SH3PXD2B: variants seen among roughly 807,000 people sequenced by gnomAD.
SH3PXD2B encodes SH3 and PX domain-containing protein 2B.
SH3PXD2B carries 37 observed loss-of-function variants against 73.1 expected under a neutral mutation model. That is an observed-to-expected ratio of 0.51 (90% CI 0.39 to 0.67). The LOEUF (loss-of-function observed/expected upper bound fraction) is 0.67. SH3PXD2B is among the 30% of genes least tolerant of loss of function. SH3PXD2B has a pLI of 0.00. For synonymous variants in SH3PXD2B, 457 were observed against 480.5 expected, an observed-to-expected ratio of 0.95 and a Z score of 0.64; for missense variants, 1,053 against 1,197.8, an observed-to-expected ratio of 0.88 and a Z score of 1.78.
At chr5:172,329,075 A>ATTTTTTTT (rs1561884420), downstream of SH3PXD2B, among the ~76,000 whole-genome samples, 19 of 71,104 alleles carry the variant, frequency 2.7e-4, no homozygotes, top group African/African-American at 1.0e-3. Flanking sequence ...ATATATATAT[A>ATTTTTTTT]TATATATATT....
chr5:172,360,990 A>G (rs1757391583), intron 7 of SH3PXD2B, among the ~76,000 whole-genome samples: 1 of 152,214 alleles, frequency 6.6e-6, no homozygotes, highest in Non-Finnish European at 1.5e-5. Context: ...GGCACTGAAT[A>G]CTACGCAGAT....
chr5:172,439,684 A>ACGCG (rs1183752755), intron 1 of SH3PXD2B, among the ~76,000 whole-genome samples: 8 of 103,252 alleles, frequency 7.7e-5, no homozygotes, highest in African/African-American at 3.5e-4. Context: ...GCGTGCGCGC[A>ACGCG]CGCGCGCGCA....
In SH3PXD2B at chr5:172,353,554, G is replaced by C. The variant is rs532812953; in HGVS notation, c.785+334C>G. Among the ~76,000 whole-genome samples the C allele has an allele frequency of 3.3e-5, 5 of 152,298 alleles. No homozygotes were observed. The highest frequency in any genetic ancestry group is 7.3e-5 in the Non-Finnish European group (5 of 68,030). On this transcript the variant is annotated intron_variant, in intron 9 of 12. Coordinates refer to ENST00000311601, the MANE Select transcript of SH3PXD2B (RefSeq NM_001017995.3). This position sits in a 1 kb window ranked among gnomAD's most constrained non-coding sequence, Gnocchi z 4.3. ...CTTGTTCTCAGAATGGGGCGGGAGG[G>C]GGCTGTCACTCACATGGGGCAGCTT...
intron 6 of SH3PXD2B, among the ~76,000 whole-genome samples, chr5:172,370,682 G>C (rs1757682677): frequency 6.6e-6 from 1 of 152,198 alleles, no homozygotes; most frequent in Non-Finnish European, 1.5e-5. Context: ...TTCAGAGAAT[G>C]CATGGAGTTG....
chr5:172,335,005 T>C lies in SH3PXD2B; in HGVS notation c.*3364A>G. The stretch of plus-strand genomic sequence containing the variant: ...CGATCCCCCAGTAGGGAAGGGCCAT[T>C]AAAAGCGGTTTAAGCTGGAGCTCAG... On this transcript the variant is annotated 3_prime_UTR_variant, in exon 13 of 13. Coordinates refer to ENST00000311601, the MANE Select transcript of SH3PXD2B (RefSeq NM_001017995.3). 1 of 985,410 alleles carries C rather than the reference T, an allele frequency of 1.0e-6. No homozygotes were observed. The highest frequency in any genetic ancestry group is 1.2e-6 in the Non-Finnish European group (1 of 829,944). 61.0% of individuals were successfully genotyped at this position (985,410 alleles called of 1,614,324 possible). A position where few individuals can be genotyped will look rare whatever the true frequency, so the allele number is the denominator to read the frequency against.
intron 1 of SH3PXD2B, among the ~76,000 whole-genome samples, chr5:172,439,882 C>T (rs111264840): frequency 8.5e-5 from 13 of 152,170 alleles, no homozygotes; most frequent in Admixed American, 3.3e-4. Context: ...CTGCTCCAGG[C>T]GTGCAGCTCC....
chr5:172,339,282 T>C lies in SH3PXD2B; in HGVS notation c.1823A>G (p.Lys608Arg). Residue 608 changes from lysine (K) to arginine (R), a missense_variant, in exon 13 of 13, where the codon AAG becomes AGG. Around this residue, in one of 2 missense-constraint regions of SH3PXD2B, gnomAD observed 587 missense variants for 590.7 expected, o/e 0.99. Coordinates refer to ENST00000311601, the MANE Select transcript of SH3PXD2B (RefSeq NM_001017995.3). This position sits in a 1 kb window ranked among gnomAD's most constrained non-coding sequence, Gnocchi z 6.1. Reference protein sequence around the residue: ...CGHKVLAKEVKKPNLRPISKS... With the variant: ...CGHKVLAKEVRKPNLRPISKS... Reference sequence around the variant, plus strand: ...GGAGATGGGCCGGAGGTTGGGCTTCTTCACTTCCTTGGCCAAGACCTTGTG... The same window carrying C: ...GGAGATGGGCCGGAGGTTGGGCTTCCTCACTTCCTTGGCCAAGACCTTGTG... The C allele has an allele frequency of 6.2e-7, 1 of 1,614,240 alleles. No homozygotes were observed.
At chr5:172,367,109 G>A (rs1239464209) in intron 6 of SH3PXD2B, among the ~76,000 whole-genome samples, 1 of 149,538 alleles carries the variant, frequency 6.7e-6, no homozygotes, top group Non-Finnish European at 1.5e-5. Context: ...GCTAATTTTC[G>A]TATTTTTAGT....
Position 172,394,592 on chromosome 5 carries a change from G to A in SH3PXD2B, c.280C>T (p.Arg94Cys), listed in dbSNP as rs773170741. Reference sequence around the variant, plus strand: ...CAGTATTCATCAATTGGTATCAGGCGTTTGACAGCCACGTCCCGGATGTGG... The same window carrying A: ...CAGTATTCATCAATTGGTATCAGGCATTTGACAGCCACGTCCCGGATGTGG... Reference protein sequence around the residue: ...RSHIRDVAVKRLIPIDEYCKA... With the variant: ...RSHIRDVAVKCLIPIDEYCKA... Residue 94 changes from arginine (R) to cysteine (C), a missense_variant, in exon 4 of 13, where the codon CGC (arginine) becomes TGC (cysteine). Physicochemically the swap from Arg to Cys is radical, Grantham distance 180. Coordinates refer to ENST00000311601, the MANE Select transcript of SH3PXD2B (RefSeq NM_001017995.3). 3.1e-6 allele frequency: 5 copies of A among 1,614,146 alleles called. No individual in the cohort carries two copies. Among genetic ancestry groups the A allele is most frequent in the Non-Finnish European group, 3.4e-6 (4 of 1,180,000 alleles).
At chr5:172,447,873 T>C (rs902517692) in intron 1 of SH3PXD2B, among the ~76,000 whole-genome samples, 11 of 152,100 alleles carry the variant, frequency 7.2e-5, no homozygotes, top group Non-Finnish European at 2.9e-5. Context: ...GGCTGGTGCA[T>C]TGCACCTATG....
At chr5:172,362,964 TA>T in intron 6 of SH3PXD2B, 95 bp from the exon 7 acceptor site, 1 of 1,526,446 alleles carries the variant, frequency 6.6e-7, no homozygotes, top group Non-Finnish European at 9.0e-7. Context: ...ACGTTCCAAA[TA>T]AAAAAGCAGC....
chr5:172,370,766 A>G (rs1204200744), intron 6 of SH3PXD2B, among the ~76,000 whole-genome samples: 1 of 152,218 alleles, frequency 6.6e-6, no homozygotes, highest in East Asian at 1.9e-4. Flanking sequence ...GAAACTGATG[A>G]AAAAAGGTTC....
intron 2 of SH3PXD2B, among the ~76,000 whole-genome samples, chr5:172,415,581 C>A (rs1349275080): frequency 6.6e-6 from 1 of 152,178 alleles, no homozygotes; most frequent in Non-Finnish European, 1.5e-5. Flanking sequence ...TGACCTCATG[C>A]CTGTGAGGAC....
intron 4 of SH3PXD2B, among the ~76,000 whole-genome samples, chr5:172,390,553 G>C (rs1429567589): frequency 6.6e-6 from 1 of 152,124 alleles, no homozygotes; most frequent in Non-Finnish European, 1.5e-5. Flanking sequence ...CACGCTCCCA[G>C]TGCCTTTTAT....
At chr5:172,426,573 G>A (rs756268090) in intron 1 of SH3PXD2B, among the ~76,000 whole-genome samples, 16 of 152,114 alleles carry the variant, frequency 1.1e-4, no homozygotes, top group African/African-American at 3.6e-4. Context: ...GACTTCCCAC[G>A]GGGAATCCTT....
intron 1 of SH3PXD2B, among the ~76,000 whole-genome samples, chr5:172,439,068 G>A (rs1192234771): frequency 2.6e-5 from 4 of 151,086 alleles, no homozygotes; most frequent in African/African-American, 7.3e-5. Context: ...GTGAAACCCC[G>A]TCTCTACTAA....
At chr5:172,349,379 C>T (rs1303567086) in intron 10 of SH3PXD2B, among the ~76,000 whole-genome samples, 1 of 152,228 alleles carries the variant, frequency 6.6e-6, no homozygotes, top group Non-Finnish European at 1.5e-5. Flanking sequence ...GTCCTGGGCA[C>T]CAGCGTGCCC....
At chr5:172,371,881 T>A (rs571762669) in intron 6 of SH3PXD2B, among the ~76,000 whole-genome samples, 1 of 152,350 alleles carries the variant, frequency 6.6e-6, no homozygotes, top group Non-Finnish European at 1.5e-5. Flanking sequence ...TTCTCTCTGC[T>A]CTTTTCTGAG....
At chr5:172,331,552 C>T (rs894855642), downstream of SH3PXD2B, among the ~76,000 whole-genome samples, 3 of 152,152 alleles carry the variant, frequency 2.0e-5, no homozygotes, top group Non-Finnish European at 4.4e-5. Context: ...CTTGGAGAAG[C>T]GTGCCCCCGT....
Sources: gnomAD v4.1 joint callset for allele counts (sites outside exome capture counted in the v4.1 genomes callset) on GRCh38, gnomAD v4.1.1 for gene constraint, gnomAD v4.1.1 regional missense constraint, Gnocchi (gnomAD v3.1) non-coding constraint, MANE v1.5 for transcripts, NCBI Gene and HGNC (gene_info 2026-07-23, HGNC 2026-07-21) for gene names.